Variants in PDZRN3 observed in about 807,000 individuals in gnomAD.
The protein encoded by PDZRN3 is PDZ domain containing ring finger 3.
PDZRN3 carries 38 observed loss-of-function variants against 85.7 expected under a neutral mutation model. The observed-to-expected ratio is 0.44, with a 90% CI of 0.34 to 0.58. The LOEUF (loss-of-function observed/expected upper bound fraction) is 0.58, where lower values mean the gene tolerates loss of function less well. Among genes scored for constraint, PDZRN3 ranks in the 20% least tolerant of loss-of-function variants. The pLI, the probability that PDZRN3 is intolerant of heterozygous loss-of-function variation, is 0.01. For missense variants in PDZRN3, 1,629 were observed against 1,506.4 expected (o/e 1.08, Z -1.35); for synonymous variants, 759 against 638.0 (o/e 1.19, Z -2.86).
chr3:73,384,826 A>C lies in PDZRN3; in HGVS notation c.1740T>G (p.Asn580Lys). 2 of 1,614,066 alleles carry C rather than the reference A, an allele frequency of 1.2e-6. No homozygotes were observed. The highest frequency in any genetic ancestry group is 1.7e-6 in the Non-Finnish European group (2 of 1,180,014). The change falls in exon 10 of 10, where the codon AAT (asparagine) becomes AAG (lysine). Residue 580 changes from asparagine (N) to lysine (K), a missense_variant. Physicochemically the swap from Asn to Lys is moderately conservative, Grantham distance 94 (BLOSUM62 0). Transcript: ENST00000263666. ...GVGRTDESTR[N>K]DESSEQENNG... ...TGTTCTCTTGCTCCGAGCTCTCGTC[A>C]TTACGGGTGCTCTCGTCGGTCCGCC...
At chr3:73,474,121 A>T (rs1166642540) in intron 3 of PDZRN3, among the ~76,000 whole-genome samples, 3 of 152,130 alleles carry the variant, frequency 2.0e-5, no homozygotes, top group African/African-American at 4.8e-5. Flanking sequence ...CCATTCCTTT[A>T]CACACCTAGT....
chr3:73,385,562 G>A (rs966399027), intron 9 of PDZRN3, 107 bp downstream of exon 9: 10 of 695,048 alleles, frequency 1.4e-5, no homozygotes, highest in Non-Finnish European at 2.3e-5. Flanking sequence ...TGCCTTCCAG[G>A]TGGATGGACT....
At chr3:73,434,437 T>C (rs1702492459) in intron 3 of PDZRN3, among the ~76,000 whole-genome samples, 1 of 152,158 alleles carries the variant, frequency 6.6e-6, no homozygotes, top group Non-Finnish European at 1.5e-5. Context: ...CACATATGAA[T>C]AAAATATAAA....
chr3:73,390,909 T>G, intron 6 of PDZRN3, 109 bp downstream of exon 6: 2 of 706,588 alleles, frequency 2.8e-6, no homozygotes, highest in South Asian at 3.5e-5. Flanking sequence ...GAATAATTTG[T>G]GTCTTTCCAA....
At chr3:73,555,152 T>C (rs1001654940) in intron 3 of PDZRN3, among the ~76,000 whole-genome samples, 7 of 152,200 alleles carry the variant, frequency 4.6e-5, no homozygotes, top group African/African-American at 1.7e-4. Context: ...AGTAATTTTT[T>C]TTTTCTTTCA....
At chr3:73,460,067 T>G (rs1241911298) in intron 3 of PDZRN3, among the ~76,000 whole-genome samples, 1 of 152,218 alleles carries the variant, frequency 6.6e-6, no homozygotes, top group Non-Finnish European at 1.5e-5. Context: ...TTAAAATGAT[T>G]TGAGGTAAAA....
intron 3 of PDZRN3, among the ~76,000 whole-genome samples, chr3:73,492,984 CTTTTTTTT>C (rs5850113): frequency 1.7e-4 from 18 of 104,050 alleles, no homozygotes; most frequent in African/African-American, 5.9e-4. Flanking sequence ...GCTTTTCAAC[CTTTTTTTT>C]TTTTTTTTTT....
intron 3 of PDZRN3, among the ~76,000 whole-genome samples, chr3:73,577,356 G>T (rs1233406083): frequency 2.6e-5 from 4 of 152,156 alleles, no homozygotes; most frequent in Admixed American, 2.0e-4. Context: ...AATCAGAGAC[G>T]CAGATGTTTG....
intron 3 of PDZRN3, among the ~76,000 whole-genome samples, chr3:73,414,860 T>C (rs1702044515): frequency 6.6e-6 from 1 of 152,138 alleles, no homozygotes; most frequent in Non-Finnish European, 1.5e-5. Flanking sequence ...AACTAAAGAG[T>C]ATGGCATGCA....
At chr3:73,399,962 T>C (rs1252794267) in intron 5 of PDZRN3, among the ~76,000 whole-genome samples, 2 of 152,208 alleles carry the variant, frequency 1.3e-5, no homozygotes, top group African/African-American at 4.8e-5. Context: ...AACATAGCTG[T>C]TTTCTACTAT....
intron 3 of PDZRN3, among the ~76,000 whole-genome samples, chr3:73,585,538 G>T (rs149786508): frequency 4.2e-4 from 64 of 152,274 alleles, no homozygotes; most frequent in African/African-American, 1.5e-3. Context: ...GCCCTCATTT[G>T]CATCCACCCC....
At chr3:73,464,691 G>C (rs1488440977) in intron 3 of PDZRN3, among the ~76,000 whole-genome samples, 1 of 151,860 alleles carries the variant, frequency 6.6e-6, no homozygotes, top group Non-Finnish European at 1.5e-5. Flanking sequence ...AAGAAAAAAA[G>C]GTGTCTCTTT....
Position 73,383,073 on chromosome 3 carries a change from A to ATCTT in PDZRN3, c.*288_*291dup, listed in dbSNP as rs1703278245. 3.4e-6 allele frequency: 1 copy of ATCTT among 290,926 alleles called. No individual in the cohort carries two copies. The highest frequency in any genetic ancestry group is 6.1e-5 in the East Asian group (1 of 16,396). The allele number at this position is 290,926 out of a possible 1,614,324, so 18.0% of individuals were successfully genotyped here. On this transcript the variant is annotated 3_prime_UTR_variant, in exon 10 of 10. Coordinates refer to ENST00000263666, the MANE Select transcript of PDZRN3 (RefSeq NM_015009.3). The stretch of plus-strand genomic sequence containing the variant: ...TCTGTGAAAGTATGCTTAATAAAAG[A>ATCTT]TCTTTCTGAAATTTAAACACTTTAT...
At chr3:73,427,160 T>C (rs574561312) in intron 3 of PDZRN3, among the ~76,000 whole-genome samples, 5 of 152,326 alleles carry the variant, frequency 3.3e-5, no homozygotes, top group Non-Finnish European at 5.9e-5. Context: ...GATGAACAAG[T>C]AGGCAAACAG....
chr3:73,605,531 CA>C (rs1209596959), intron 2 of PDZRN3, among the ~76,000 whole-genome samples: 1 of 152,176 alleles, frequency 6.6e-6, no homozygotes, highest in Admixed American at 6.5e-5. Flanking sequence ...ACTGATCATG[CA>C]ATGAAAAGCC....
intron 3 of PDZRN3, among the ~76,000 whole-genome samples, chr3:73,442,938 G>A (rs35910144): frequency 0.069 from 10,535 of 152,100 alleles, 392 homozygotes; most frequent in Middle Eastern, 0.17. Context: ...GAAGAGCCTT[G>A]GTATAAGATC....
At chr3:73,431,427 C>G (rs1180444244) in intron 3 of PDZRN3, among the ~76,000 whole-genome samples, 5 of 152,166 alleles carry the variant, frequency 3.3e-5, no homozygotes. Context: ...AATATTTGAT[C>G]CTCTTTGTGC....
chr3:73,513,494 C>T (rs1214944656), intron 3 of PDZRN3, among the ~76,000 whole-genome samples: 2 of 152,190 alleles, frequency 1.3e-5, no homozygotes, highest in African/African-American at 2.4e-5. Context: ...GTGCTGGACC[C>T]TGGCCAGTTA....
Position 73,427,850 on chromosome 3 carries a change from C to T in PDZRN3, c.919-23455G>A, listed in dbSNP as rs577571542. ...CTACCTTCATGGGGCTGACATTTGT[C>T]CAGGAGGTTGGGGTTGAAAACAGGT... On this transcript the variant is annotated intron_variant, in intron 3 of 9. Transcript: ENST00000263666. 7.8e-4 allele frequency among the ~76,000 whole-genome samples: 119 copies of T among 152,226 alleles called. 2 individuals are homozygous for T. The highest frequency in any genetic ancestry group is 1.5e-3 in the Non-Finnish European group (103 of 68,008).
Sources: allele counts gnomAD v4.1 joint callset (sites outside exome capture counted in the v4.1 genomes callset), GRCh38; gene constraint gnomAD v4.1.1; transcripts MANE v1.5; gene names NCBI Gene and HGNC (gene_info 2026-07-23, HGNC 2026-07-21).